Variants in GSTA5 observed in about 807,000 individuals in gnomAD.
GSTA5 encodes the protein glutathione S-transferase alpha 5, also known as glutathione S-transferase A5.
In GSTA5, 25 loss-of-function variants were observed where a neutral mutation model predicts 21.8. That is an observed-to-expected ratio of 1.14 (90% CI 0.83 to 1.60). The LOEUF is 1.60. GSTA5 is among the 40% of genes most tolerant of loss of function. The pLI is 0.00. For synonymous variants in GSTA5, 102 were observed against 89.5 expected, an observed-to-expected ratio of 1.14 and a Z score of -0.78; for missense variants, 330 against 259.2, an observed-to-expected ratio of 1.27 and a Z score of -1.88.
intron 5 of GSTA5, among the ~76,000 whole-genome samples, chr6:52,832,650 A>T (rs183939413): frequency 1.3e-5 from 2 of 152,174 alleles, no homozygotes; most frequent in African/African-American, 2.4e-5. Context: ...AATACTCTTC[A>T]TGGGTTAGCA....
upstream of GSTA5, among the ~76,000 whole-genome samples, chr6:52,844,183 T>A (rs1378483615): frequency 6.6e-6 from 1 of 152,170 alleles, no homozygotes; most frequent in African/African-American, 2.4e-5. Context: ...ACTTGGTGAG[T>A]GTTGGGTCAG....
exon 5 of GSTA5, chr6:52,832,960 C>T (rs770310044): frequency 5.6e-6 from 9 of 1,614,126 alleles, no homozygotes; most frequent in Non-Finnish European, 6.8e-6. Flanking sequence ...TTGTTGCCAA[C>T]AAGGTAGTCT....
At chr6:52,833,955 G>C (rs1764253916) in intron 4 of GSTA5, among the ~76,000 whole-genome samples, 186 bp downstream of exon 4, 1 of 152,192 alleles carries the variant, frequency 6.6e-6, no homozygotes, top group Non-Finnish European at 1.5e-5. Flanking sequence ...ATCATAGCTT[G>C]GGTATAAGTG....
intron 4 of GSTA5, 124 bp downstream of exon 4, chr6:52,834,017 T>A: frequency 5.0e-6 from 5 of 1,005,860 alleles, no homozygotes; most frequent in Non-Finnish European, 7.8e-6. Flanking sequence ...AGAGTCAGAG[T>A]GCTGCCTTGG....
intron 4 of GSTA5, among the ~76,000 whole-genome samples, chr6:52,833,559 G>A (rs1005635399): frequency 3.3e-5 from 5 of 152,126 alleles, no homozygotes; most frequent in South Asian, 2.1e-4. Flanking sequence ...GTTCCTAACC[G>A]GCACTCTGTT....
chr6:52,832,889 C>G (rs142283568), exon 5 of GSTA5: 101 of 1,613,980 alleles, frequency 6.3e-5, no homozygotes, highest in Non-Finnish European at 8.1e-5. Flanking sequence ...AGATAAGACT[C>G]GAGTCAAGCT....
rs1561926048 is a variant in GSTA5 at position 52,834,232 on chromosome 6, A to G, written c.323T>C (p.Leu108Pro). 1.9e-6 allele frequency: 3 copies of G among 1,613,948 alleles called. No individual in the cohort carries two copies. In the Admixed American group the frequency reaches 5.0e-5, roughly 27 times the overall value. ...TTCCTCTGGTTGACATATGAGCAGA[A>G]GAAGGATCATTTCAGTCAAATCTAC... Residue 108 changes from leucine to proline, a missense_variant, in exon 4 of 6, where the codon CTT (leucine) becomes CCT (proline). By Grantham distance (98) the Leu-to-Pro change is moderately conservative (BLOSUM62 -3). Coordinates refer to ENST00000370989, the Ensembl canonical transcript of GSTA5.
chr6:52,833,117 C>A (rs1764241511), intron 4 of GSTA5, 127 bp from the exon 5 acceptor site: 1 of 1,041,284 alleles, frequency 9.6e-7, no homozygotes, highest in Non-Finnish European at 1.5e-6. Context: ...GCAGAAATCC[C>A]AAGCTTTCTC....
upstream of GSTA5, among the ~76,000 whole-genome samples, chr6:52,845,463 T>A (rs1338479701): frequency 6.6e-6 from 1 of 152,128 alleles, no homozygotes. Context: ...AATTACACAG[T>A]TCAAAGGGCA....
At chr6:52,845,583 A>G (rs537711528), upstream of GSTA5, among the ~76,000 whole-genome samples, 1 of 152,360 alleles carries the variant, frequency 6.6e-6, no homozygotes, top group South Asian at 2.1e-4. Context: ...CAGAGGCTCA[A>G]CTAGAATCTA....
chr6:52,845,954 A>G, the GSTA5 span: 15 of 153,672 alleles, frequency 9.8e-5, no homozygotes, highest in Admixed American at 8.5e-4. Flanking sequence ...ATATGAGTAA[A>G]AACAGACTTT....
upstream of GSTA5, among the ~76,000 whole-genome samples, chr6:52,844,766 A>T (rs1764430762): frequency 6.6e-6 from 1 of 152,120 alleles, no homozygotes; most frequent in South Asian, 2.1e-4. Context: ...CATAGTAGGA[A>T]CTCAGCAATG....
At chr6:52,833,227 G>A (rs1764242557) in intron 4 of GSTA5, among the ~76,000 whole-genome samples, 1 of 152,164 alleles carries the variant, frequency 6.6e-6, no homozygotes, top group Non-Finnish European at 1.5e-5. Flanking sequence ...CATCACTGTG[G>A]TGTCTACACA....
chr6:52,832,514 A>G (rs532229951), intron 5 of GSTA5, among the ~76,000 whole-genome samples: 9 of 152,282 alleles, frequency 5.9e-5, no homozygotes, highest in Admixed American at 5.9e-4. Context: ...GACCAATTCA[A>G]TGCGGGAAGA....
At chr6:52,841,257 G>A (rs180673690), upstream of GSTA5, among the ~76,000 whole-genome samples, 6 of 152,080 alleles carry the variant, frequency 3.9e-5, no homozygotes, top group East Asian at 1.2e-3. Flanking sequence ...TAATGAAATC[G>A]AACATCAGAG....
chr6:52,834,505 A>C (rs1764266556), intron 3 of GSTA5, among the ~76,000 whole-genome samples: 1 of 152,200 alleles, frequency 6.6e-6, no homozygotes, highest in Non-Finnish European at 1.5e-5. Flanking sequence ...CAACCTATCA[A>C]GGTAGATAGA....
At chr6:52,842,379 T>C (rs1764389022), upstream of GSTA5, among the ~76,000 whole-genome samples, 1 of 151,702 alleles carries the variant, frequency 6.6e-6, no homozygotes, top group African/African-American at 2.4e-5. Flanking sequence ...AAGAAAAATA[T>C]ACTTGCCTTT....
rs369331835 is a variant in GSTA5, at chr6:52,831,839, G to A, written c.*9C>T. 1 of 1,613,850 alleles carries A rather than the reference G, an allele frequency of 6.2e-7. No homozygotes were observed. The highest frequency in any genetic ancestry group is 8.5e-7 in the Non-Finnish European group (1 of 1,179,916). On this transcript the variant is annotated 3_prime_UTR_variant, in exon 6 of 6. Coordinates refer to ENST00000370989, the Ensembl canonical transcript of GSTA5. ...GTCTGGCATGTTCTTGGCCTCCATA[G>A]CTGCTTTATTAAAACCTGAAAATCT...
At chr6:52,839,649 G>A (rs534173551) in intron 1 of GSTA5, among the ~76,000 whole-genome samples, 307 of 152,232 alleles carry the variant, frequency 2.0e-3, no homozygotes, top group Middle Eastern at 3.4e-3. Flanking sequence ...GCCACCCGAG[G>A]GACAAGATCT....
Sources: allele counts gnomAD v4.1 joint callset (sites outside exome capture counted in the v4.1 genomes callset), GRCh38; gene constraint gnomAD v4.1.1; transcripts MANE v1.5; gene names NCBI Gene and HGNC (gene_info 2026-07-23, HGNC 2026-07-21).